The following DISC1 variants were observed in gnomAD, a reference collection of about 807,000 sequenced individuals.
DISC1 encodes the protein DISC1 scaffold protein, also known as disrupted in schizophrenia 1 protein.
DISC1 carries 57 observed loss-of-function variants against 84.5 expected under a neutral mutation model. The observed-to-expected ratio is 0.67, with a 90% CI of 0.55 to 0.84. The LOEUF is 0.84. Among genes scored for constraint, DISC1 ranks in the 40% least tolerant of loss-of-function variants. The pLI is 0.00. For missense variants in DISC1, 1,000 were observed against 1,057.8 expected (o/e 0.95, Z 0.76); for synonymous variants, 411 against 415.2 (o/e 0.99, Z 0.12).
At chr1:231,717,676 A>G (rs1232543174) in intron 3 of DISC1, among the ~76,000 whole-genome samples, 5 of 152,162 alleles carry the variant, frequency 3.3e-5, no homozygotes, top group Non-Finnish European at 2.9e-5. Context: ...CTCACTGCCA[A>G]AAGTCTCCAG....
intron 8 of DISC1, among the ~76,000 whole-genome samples, chr1:231,800,879 G>A (rs956299549): frequency 6.6e-6 from 1 of 151,726 alleles, no homozygotes; most frequent in African/African-American, 2.4e-5. Context: ...TAGCTAAGCA[G>A]TGGCAGATCT....
chr1:231,921,774 A>T (rs998587401), intron 9 of DISC1, among the ~76,000 whole-genome samples: 1 of 150,508 alleles, frequency 6.6e-6, no homozygotes, highest in African/African-American at 2.4e-5. Flanking sequence ...ACCACAATCC[A>T]GCTAACTAAC....
At chr1:231,844,142 T>C (rs1190994295) in intron 9 of DISC1, among the ~76,000 whole-genome samples, 1 of 152,210 alleles carries the variant, frequency 6.6e-6, no homozygotes, top group African/African-American at 2.4e-5. Flanking sequence ...GGGGTTCCCC[T>C]GCCTTTAGGG....
intron 6 of DISC1, among the ~76,000 whole-genome samples, chr1:231,786,615 A>G (rs572757701): frequency 6.6e-5 from 10 of 152,308 alleles, no homozygotes; most frequent in African/African-American, 2.4e-4. Flanking sequence ...TCTTTAGGAT[A>G]TAATATTAAA....
At chr1:231,724,806 A>T (rs1232907954) in intron 3 of DISC1, among the ~76,000 whole-genome samples, 3 of 152,098 alleles carry the variant, frequency 2.0e-5, no homozygotes, top group Non-Finnish European at 2.9e-5. Flanking sequence ...TACATTCTCA[A>T]GTGTCACTGT....
At chr1:232,014,236 T>C (rs1056966110) in intron 11 of DISC1, among the ~76,000 whole-genome samples, 2 of 152,212 alleles carry the variant, frequency 1.3e-5, no homozygotes, top group African/African-American at 4.8e-5. Flanking sequence ...CTTTCTCTTC[T>C]CTGACACTTA....
At chr1:232,002,575 T>A (rs181729546) in intron 10 of DISC1, among the ~76,000 whole-genome samples, 3 of 148,966 alleles carry the variant, frequency 2.0e-5, no homozygotes, top group Non-Finnish European at 4.4e-5. Flanking sequence ...GATACACGAA[T>A]CTCCAGGGAA....
intron 9 of DISC1, among the ~76,000 whole-genome samples, chr1:231,890,703 A>G (rs2087142032): frequency 6.6e-6 from 1 of 152,214 alleles, no homozygotes; most frequent in Non-Finnish European, 1.5e-5. Context: ...TAAACTGTAC[A>G]CTTAAAATGG....
At chr1:231,674,743 T>C (rs2062974298) in intron 1 of DISC1, among the ~76,000 whole-genome samples, 2 of 152,224 alleles carry the variant, frequency 1.3e-5, no homozygotes, top group South Asian at 4.1e-4. Context: ...CGTGGCCATG[T>C]GTATGTAGTT....
At chr1:231,703,356 G>A (rs1327388142) in intron 3 of DISC1, among the ~76,000 whole-genome samples, 4 of 152,206 alleles carry the variant, frequency 2.6e-5, no homozygotes, top group Admixed American at 6.5e-5. Flanking sequence ...AGCGTCAGTG[G>A]CTTCAGCCCG....
chr1:231,979,738 G>A lies in DISC1; in HGVS notation c.2042+20850G>A, dbSNP rs897136998. Among the ~76,000 whole-genome samples the A allele has an allele frequency of 1.1e-4, 17 of 151,198 alleles. No individual in the cohort carries two copies. The East Asian group carries it at 3.1e-3, about 28-fold the overall frequency. On this transcript the variant is annotated intron_variant, in intron 10 of 12. Transcript: ENST00000439617. ...ATACACATGTAATAGTATATTAGGAGTATAATATATAGATACATATAGTTT... is the reference window on the plus strand; with the variant it reads ...ATACACATGTAATAGTATATTAGGAATATAATATATAGATACATATAGTTT...
chr1:231,764,135 A>C (rs2075989084), intron 4 of DISC1, among the ~76,000 whole-genome samples: 2 of 152,192 alleles, frequency 1.3e-5, no homozygotes, highest in East Asian at 3.9e-4. Context: ...GGATAGCTTT[A>C]ATTTGGCCTT....
intron 6 of DISC1, among the ~76,000 whole-genome samples, chr1:231,788,021 G>T (rs2078025795): frequency 6.6e-6 from 1 of 152,230 alleles, no homozygotes; most frequent in African/African-American, 2.4e-5. Context: ...AGTGGCTCAT[G>T]CCTGTAATCC....
At chr1:231,773,209 C>G (rs769566985) in intron 6 of DISC1, among the ~76,000 whole-genome samples, 1 of 152,162 alleles carries the variant, frequency 6.6e-6, no homozygotes, top group Non-Finnish European at 1.5e-5. Context: ...CTTTCCTCAT[C>G]TAAAACTAGG....
intron 9 of DISC1, among the ~76,000 whole-genome samples, chr1:231,825,861 G>A (rs564527990): frequency 6.6e-6 from 1 of 152,136 alleles, no homozygotes; most frequent in East Asian, 1.9e-4. Context: ...GATCCTTAGA[G>A]GTTTAAATAT....
chr1:231,849,927 G>A (rs2083769729), intron 9 of DISC1, among the ~76,000 whole-genome samples: 1 of 152,198 alleles, frequency 6.6e-6, no homozygotes, highest in Admixed American at 6.5e-5. Flanking sequence ...ATTGCATTCA[G>A]TGGTTTGATT....
At chr1:231,663,345 A>G (rs770646121) in intron 1 of DISC1, among the ~76,000 whole-genome samples, 5 of 152,238 alleles carry the variant, frequency 3.3e-5, no homozygotes, top group Non-Finnish European at 7.3e-5. Flanking sequence ...TGAAGGGAGT[A>G]ATAGACAACT....
At chr1:231,972,716 G>A (rs545273243) in intron 10 of DISC1, among the ~76,000 whole-genome samples, 2 of 152,322 alleles carry the variant, frequency 1.3e-5, no homozygotes, top group South Asian at 2.1e-4. Context: ...TAGACCTCAC[G>A]ACATAGGATT....
At chr1:232,036,131 A>G (rs1313310684) in intron 12 of DISC1, among the ~76,000 whole-genome samples, 2 of 152,198 alleles carry the variant, frequency 1.3e-5, no homozygotes, top group Admixed American at 6.5e-5. Flanking sequence ...AGAGGTTTCA[A>G]AGTCATCATT....
Sources: allele counts gnomAD v4.1 joint callset (sites outside exome capture counted in the v4.1 genomes callset), GRCh38; gene constraint gnomAD v4.1.1; transcripts MANE v1.5; gene names NCBI Gene and HGNC (gene_info 2026-07-23, HGNC 2026-07-21).